Variants in TET2 observed in about 807,000 individuals in gnomAD.
TET2 encodes methylcytosine dioxygenase TET2.
TET2 carries 299 observed loss-of-function variants against 142.9 expected under a neutral mutation model. The ratio of observed to expected loss-of-function variants is 2.09; its 90% CI spans 1.90 to 2.30. TET2 has a LOEUF of 2.30. Ranked by LOEUF, TET2 falls within the 30% of genes most tolerant of loss-of-function variation. The pLI, the probability that TET2 is intolerant of heterozygous loss-of-function variation, is 0.00. For missense variants in TET2, 2,418 were observed against 2,378.0 expected (o/e 1.02, Z -0.35); for synonymous variants, 819 against 849.0 (o/e 0.96, Z 0.61).
At chr4:105,163,842 A>T (rs1560716750) in intron 1 of TET2, among the ~76,000 whole-genome samples, 12 of 117,920 alleles carry the variant, frequency 1.0e-4, no homozygotes, top group Admixed American at 1.7e-4. Context: ...AGAGAGAGAG[A>T]GAGAGAGAGA....
At chr4:105,261,983 G>T (rs1419005193) in intron 8 of TET2, 135 bp downstream of exon 8, 6 of 617,256 alleles carry the variant, frequency 9.7e-6, no homozygotes, top group Non-Finnish European at 1.7e-5. Flanking sequence ...AACCACTGCA[G>T]TGTTCAGTTT....
chr4:105,171,258 T>G (rs1339741676), intron 1 of TET2: 1 of 152,148 alleles, frequency 6.6e-6, no homozygotes, highest in African/African-American at 2.4e-5. Flanking sequence ...GTTTATCTAG[T>G]GGATGTAGAC....
chr4:105,155,548 T>C (rs1723523338), intron 1 of TET2, among the ~76,000 whole-genome samples: 1 of 152,228 alleles, frequency 6.6e-6, no homozygotes, highest in South Asian at 2.1e-4. Flanking sequence ...GGTGAATTAC[T>C]TGGGGTTGAT....
At chr4:105,265,475 A>G (rs890786700) in intron 8 of TET2, among the ~76,000 whole-genome samples, 36 of 152,214 alleles carry the variant, frequency 2.4e-4, no homozygotes, top group African/African-American at 8.4e-4. Context: ...TTTCTAGCTG[A>G]TTGTATATCT....
At chr4:105,216,380 G>A (rs1211076581) in intron 2 of TET2, among the ~76,000 whole-genome samples, 1 of 152,010 alleles carries the variant, frequency 6.6e-6, no homozygotes, top group South Asian at 2.1e-4. Flanking sequence ...TATAATCTTT[G>A]TGAGTTAATC....
At chr4:105,248,710 G>A (rs1333322596) in intron 6 of TET2, among the ~76,000 whole-genome samples, 1 of 151,972 alleles carries the variant, frequency 6.6e-6, no homozygotes, top group Non-Finnish European at 1.5e-5. Context: ...AGTTGTTTCA[G>A]TACATTCACA....
intron 1 of TET2, among the ~76,000 whole-genome samples, chr4:105,189,500 A>T (rs112214303): frequency 0.062 from 9,373 of 152,180 alleles, 364 homozygotes; most frequent in Non-Finnish European, 0.09. Context: ...AGAGCTTTTT[A>T]ATCTCCTCCA....
chr4:105,188,882 A>G (rs753253642), intron 1 of TET2, among the ~76,000 whole-genome samples: 1 of 152,112 alleles, frequency 6.6e-6, no homozygotes, highest in African/African-American at 2.4e-5. Flanking sequence ...CCTAATGGGT[A>G]CTGGGTTTTT....
intron 6 of TET2, among the ~76,000 whole-genome samples, chr4:105,257,661 A>C (rs1236445693): frequency 6.6e-6 from 1 of 152,140 alleles, no homozygotes; most frequent in Non-Finnish European, 1.5e-5. Context: ...TGGGCCCTAC[A>C]GTTGCATGTG....
intron 6 of TET2, among the ~76,000 whole-genome samples, chr4:105,245,880 T>C (rs966516938): frequency 6.6e-6 from 1 of 152,208 alleles, no homozygotes; most frequent in African/African-American, 2.4e-5. Context: ...GTTTTAAAAT[T>C]TCTTTTCAAA....
At chr4:105,246,980 A>G (rs1392998691) in intron 6 of TET2, among the ~76,000 whole-genome samples, 1 of 152,194 alleles carries the variant, frequency 6.6e-6, no homozygotes, top group Admixed American at 6.5e-5. Flanking sequence ...TTGGCAAGTA[A>G]GAGTTGTGGG....
At chr4:105,187,572 G>A (rs920972541) in intron 1 of TET2, among the ~76,000 whole-genome samples, 3 of 152,104 alleles carry the variant, frequency 2.0e-5, no homozygotes, top group African/African-American at 7.2e-5. Context: ...CTCATTAGTA[G>A]CATCATTCTT....
chr4:105,197,179 G>A (rs1327207067), intron 2 of TET2, among the ~76,000 whole-genome samples: 2 of 152,152 alleles, frequency 1.3e-5, no homozygotes, highest in South Asian at 2.1e-4. Flanking sequence ...TGAGATTTGT[G>A]AGGTTTTAGC....
At chr4:105,244,586 G>GTTT (rs566674796) in intron 6 of TET2, among the ~76,000 whole-genome samples, 691 of 66,674 alleles carry the variant, frequency 0.01, 86 homozygotes, top group Middle Eastern at 0.021. Flanking sequence ...ACACAGAAAT[G>GTTT]TTTTTTTTTT....
intron 2 of TET2, among the ~76,000 whole-genome samples, chr4:105,217,709 G>C (rs1052067548): frequency 6.6e-6 from 1 of 151,924 alleles, no homozygotes; most frequent in African/African-American, 2.4e-5. Context: ...TTTTTCTCAG[G>C]CTGGTTCTCC....
At chr4:105,267,792 A>G (rs1730757586) in intron 8 of TET2, among the ~76,000 whole-genome samples, 1 of 152,162 alleles carries the variant, frequency 6.6e-6, no homozygotes, top group East Asian at 1.9e-4. Context: ...CACTTTAAAT[A>G]TAAAGATACA....
rs1300010219 is a variant in TET2 at position 105,234,682 on chromosome 4, C to G, written c.740C>G (p.Ser247Cys). 1 of 1,614,084 alleles carries G rather than the reference C, an allele frequency of 6.2e-7. No individual in the cohort carries two copies. The highest frequency in any genetic ancestry group is 1.3e-5 in the African/African-American group (1 of 75,038). ...CVSIAVQKTT[S>C]HINAINSQAT... Reference sequence around the variant, plus strand: ...TCCATTGCGGTGCAGAAAACCACATCTCACATAAATGCCATTAACAGTCAG... The same window carrying G: ...TCCATTGCGGTGCAGAAAACCACATGTCACATAAATGCCATTAACAGTCAG... The change falls in exon 3 of 11, where the codon TCT becomes TGT. Residue 247 changes from serine to cysteine, a missense_variant. By Grantham distance (112) the Ser-to-Cys change is moderately radical (BLOSUM62 -1). Transcript: ENST00000380013.
intron 1 of TET2, among the ~76,000 whole-genome samples, chr4:105,175,021 G>A (rs1046911339): frequency 6.6e-6 from 1 of 152,164 alleles, no homozygotes; most frequent in Non-Finnish European, 1.5e-5. Flanking sequence ...GAAAACTGGT[G>A]AAGTTCATAG....
At chr4:105,233,815 A>T in intron 2 of TET2, 82 bp from the exon 3 acceptor site, 1 of 704,250 alleles carries the variant, frequency 1.4e-6, no homozygotes, top group Non-Finnish European at 2.2e-6. Flanking sequence ...ATTATTCCTT[A>T]AGATATATTA....
Sources: gnomAD v4.1 joint callset for allele counts (sites outside exome capture counted in the v4.1 genomes callset) on GRCh38, gnomAD v4.1.1 for gene constraint, MANE v1.5 for transcripts, NCBI Gene and HGNC (gene_info 2026-07-23, HGNC 2026-07-21) for gene names.